The following RBM22 variants were observed in gnomAD, a reference collection of about 807,000 sequenced individuals.
The protein encoded by RBM22 is pre-mRNA-splicing factor RBM22.
Under a neutral mutation model 50.1 loss-of-function variants are expected in RBM22, and 1 was observed. The observed-to-expected ratio is 0.02, with a 90% CI of 0.01 to 0.09. The LOEUF (loss-of-function observed/expected upper bound fraction) is 0.09, where lower values mean the gene tolerates loss of function less well. Ranked by LOEUF, RBM22 falls within the 10% of genes least tolerant of loss-of-function variation. RBM22 has a pLI of 1.00. For synonymous variants in RBM22, 152 were observed against 179.0 expected, an observed-to-expected ratio of 0.85 and a Z score of 1.20; for missense variants, 264 against 529.3, an observed-to-expected ratio of 0.50 and a Z score of 4.92.
Position 150,697,890 on chromosome 5 carries a change from A to T in RBM22, c.271+609T>A, listed in dbSNP as rs189168313. Among the ~76,000 whole-genome samples, 352 of 152,350 alleles carry T rather than the reference A, an allele frequency of 2.3e-3. 1 individual carries two copies. Among genetic ancestry groups the T allele is most frequent in the Non-Finnish European group, 3.4e-3 (228 of 68,028 alleles). ...AATTGAAATAAAAGTCTAAAGCACA[A>T]TTAGGCTGGCTATAGTGGCTCTGGG... On this transcript the variant is annotated intron_variant, in intron 4 of 10. Coordinates refer to ENST00000199814, the MANE Select transcript of RBM22 (RefSeq NM_018047.3).
At chr5:150,700,582 A>C in intron 1 of RBM22, 85 bp from the exon 2 acceptor site, 2 of 1,598,272 alleles carry the variant, frequency 1.3e-6, no homozygotes, top group Non-Finnish European at 1.7e-6. Context: ...AGGGGGCGGG[A>C]AGCGAGGGTG....
At chr5:150,692,791 A>T (rs1037768785) in intron 10 of RBM22, 104 bp downstream of exon 10, 1 of 1,292,848 alleles carries the variant, frequency 7.7e-7, no homozygotes, top group Non-Finnish European at 1.1e-6. Flanking sequence ...AGACTTCTAC[A>T]GAGCAAACTC....
Position 150,699,275 on chromosome 5 carries a change from T to C in RBM22, c.109-4A>G. 2 of 1,572,368 alleles carry C rather than the reference T, an allele frequency of 1.3e-6. No individual in the cohort carries two copies. On this transcript the variant is annotated splice_region_variant and splice_polypyrimidine_tract_variant and intron_variant, in intron 2 of 10. Transcript: ENST00000199814. ...CCTTCCCATACTTTTCTTTGGTCTA[T>C]AATAGAAAAAAAATAGAAAAGAACT...
intron 7 of RBM22, 148 bp downstream of exon 7, chr5:150,695,358 A>G: frequency 1.4e-6 from 1 of 714,104 alleles, no homozygotes; most frequent in Non-Finnish European, 2.3e-6. Context: ...GGACAATTTT[A>G]CAAAAATTCC....
chr5:150,691,902 ATG>A (rs752933336), intron 10 of RBM22, 21 bp from the exon 11 acceptor site: 2 of 1,533,516 alleles, frequency 1.3e-6, no homozygotes, highest in Admixed American at 4.0e-5. Context: ...GAGAGAACAA[ATG>A]TGTTAGGCTG....
intron 4 of RBM22, chr5:150,697,578 C>T (rs1759293238): frequency 6.3e-6 from 1 of 159,974 alleles, no homozygotes; most frequent in Admixed American, 6.5e-5. Context: ...TCTTACAGAT[C>T]CTCTGGATAG....
At chr5:150,698,865 G>A (rs1350275622) in intron 3 of RBM22, among the ~76,000 whole-genome samples, 1 of 152,184 alleles carries the variant, frequency 6.6e-6, no homozygotes, top group Non-Finnish European at 1.5e-5. Flanking sequence ...CCATCCTAGA[G>A]CTAAGCACCA....
intron 4 of RBM22, among the ~76,000 whole-genome samples, chr5:150,698,203 A>G (rs1759301797): frequency 6.6e-6 from 1 of 152,234 alleles, no homozygotes; most frequent in Non-Finnish European, 1.5e-5. Flanking sequence ...TCAAGAAAGA[A>G]GCCTAAGGCA....
At chr5:150,699,552 A>G (rs1419032962) in intron 2 of RBM22, among the ~76,000 whole-genome samples, 1 of 152,242 alleles carries the variant, frequency 6.6e-6, no homozygotes, top group Non-Finnish European at 1.5e-5. Flanking sequence ...TGAGAGGCCA[A>G]GGTGGAAGGA....
At chr5:150,700,712 G>T in intron 1 of RBM22, 1 of 1,533,566 alleles carries the variant, frequency 6.5e-7, no homozygotes, top group African/African-American at 1.4e-5. Flanking sequence ...GCTGGAGGGG[G>T]CAGGGATGGA....
At chr5:150,700,299 TGACAGTTCTTTGCAAGTC>T in intron 2 of RBM22, 127 bp downstream of exon 2, 1 of 735,412 alleles carries the variant, frequency 1.4e-6, no homozygotes, top group Non-Finnish European at 2.3e-6. Flanking sequence ...AGAATACACA[TGACAGTTCTTTGCAAGTC>T]GTCCAGCACT....
chr5:150,699,039 C>A lies in RBM22; in HGVS notation c.138+203G>T, dbSNP rs951026432. Among the ~76,000 whole-genome samples the A allele has an allele frequency of 2.6e-5, 4 of 152,094 alleles. No individual in the cohort carries two copies. In the East Asian group the frequency reaches 7.7e-4, roughly 29 times the overall value. On this transcript the variant is annotated intron_variant, in intron 3 of 10. Transcript: ENST00000199814. The stretch of plus-strand genomic sequence containing the variant: ...TCCTCCAGTGCCCATCCACTGACAC[C>A]GTAAGAATCTCTACATTAGAGGGTT...
Position 150,699,225 on chromosome 5 carries a change from TTAACAGACA to T in RBM22, c.138+8_138+16del, listed in dbSNP as rs775487013. 2 of 1,585,802 alleles carry T rather than the reference TTAACAGACA, an allele frequency of 1.3e-6. No homozygotes were observed. Among genetic ancestry groups the T allele is most frequent in the Admixed American group, 3.7e-5 (2 of 54,226 alleles). ...AAAATGAAACAGAAATCATTACTCT[TTAACAGACA>T]TACTTACTTTGCATTCCTTCCCATA... On this transcript the variant is annotated splice_region_variant and intron_variant, in intron 3 of 10. Transcript: ENST00000199814.
Position 150,694,252 on chromosome 5 carries a change from C to A in RBM22, c.747-12G>T. The A allele has an allele frequency of 6.2e-7, 1 of 1,601,852 alleles. No homozygotes were observed. The highest frequency in any genetic ancestry group is 8.5e-7 in the Non-Finnish European group (1 of 1,173,316). On this transcript the variant is annotated splice_polypyrimidine_tract_variant and intron_variant, in intron 7 of 10. Coordinates refer to ENST00000199814, the MANE Select transcript of RBM22 (RefSeq NM_018047.3). ...GGTAGAAATGATTTCTGAAGGGAAA[C>A]AGGCAGAGAAAAATGAAAGTGGGAG...
In RBM22 at chr5:150,691,648, T is replaced by G; in HGVS notation, c.*103A>C. The G allele has an allele frequency of 7.7e-7, 1 of 1,306,398 alleles. No homozygotes were observed. The highest frequency in any genetic ancestry group is 2.6e-5 in the East Asian group (1 of 38,568). The allele number at this position is 1,306,398 out of a possible 1,614,324, so 80.9% of individuals were successfully genotyped here. ...CTGCTCACATCTGAGCACATTCAGC[T>G]ACCATGGAAACTACAAGGGAAGGAA... On this transcript the variant is annotated 3_prime_UTR_variant, in exon 11 of 11. Transcript: ENST00000199814.
chr5:150,697,419 A>G lies in RBM22; in HGVS notation c.272-528T>C, dbSNP rs770499177. 8.4e-4 allele frequency among the ~76,000 whole-genome samples: 128 copies of G among 152,326 alleles called. 2 individuals are homozygous for G. The highest frequency in any genetic ancestry group is 1.7e-3 in the Non-Finnish European group (117 of 68,032). ...GGGCAACAGAGTGACACCCTGTCTCAAAAACAAAAAACAAAAAAATTATAA... is the reference window on the plus strand; with the variant it reads ...GGGCAACAGAGTGACACCCTGTCTCGAAAACAAAAAACAAAAAAATTATAA... On this transcript the variant is annotated intron_variant, in intron 4 of 10. Coordinates refer to ENST00000199814, the MANE Select transcript of RBM22 (RefSeq NM_018047.3).
At chr5:150,695,203 T>C in intron 7 of RBM22, 1 of 258,240 alleles carries the variant, frequency 3.9e-6, no homozygotes, top group Non-Finnish European at 7.5e-6. Context: ...ATTTTTTTGA[T>C]TTCTTAGTAG....
chr5:150,697,189 G>C (rs187519820), intron 4 of RBM22, among the ~76,000 whole-genome samples: 1 of 152,024 alleles, frequency 6.6e-6, no homozygotes, highest in South Asian at 2.1e-4. Flanking sequence ...TGCAAGGCTG[G>C]AGCTGACAGA....
Position 150,691,625 on chromosome 5 carries a change from G to A in RBM22, c.*126C>T. Reference sequence around the variant, plus strand: ...AAAGCATGGCTGTCAGTCTCTGACTGCTCACATCTGAGCACATTCAGCTAC... The same window carrying A: ...AAAGCATGGCTGTCAGTCTCTGACTACTCACATCTGAGCACATTCAGCTAC... On this transcript the variant is annotated 3_prime_UTR_variant, in exon 11 of 11. Transcript: ENST00000199814. 8.7e-7 allele frequency: 1 copy of A among 1,154,604 alleles called. No homozygotes were observed. Among genetic ancestry groups the A allele is most frequent in the Non-Finnish European group, 1.2e-6 (1 of 865,402 alleles). 71.5% of individuals were successfully genotyped at this position (1,154,604 alleles called of 1,614,324 possible).
Sources: gnomAD v4.1 joint callset for allele counts (sites outside exome capture counted in the v4.1 genomes callset) on GRCh38, gnomAD v4.1.1 for gene constraint, MANE v1.5 for transcripts, NCBI Gene and HGNC (gene_info 2026-07-23, HGNC 2026-07-21) for gene names.